DCDC1: variants seen among roughly 807,000 people sequenced by gnomAD.
The protein encoded by DCDC1 is doublecortin domain containing 1.
In DCDC1, 200 loss-of-function variants were observed where a neutral mutation model predicts 178.3. That is an observed-to-expected ratio of 1.12 (90% CI 1.00 to 1.26). The LOEUF (loss-of-function observed/expected upper bound fraction) is 1.26. DCDC1 is among the 50% of genes most tolerant of loss of function. DCDC1 has a pLI of 0.00. For missense variants in DCDC1, 1,983 were observed against 1,749.2 expected, an observed-to-expected ratio of 1.13 and a Z score of -2.38; for synonymous variants, 690 against 604.8, an observed-to-expected ratio of 1.14 and a Z score of -2.07.
At chr11:31,285,142 C>T (rs1946726072) in intron 7 of DCDC1, among the ~76,000 whole-genome samples, 1 of 151,640 alleles carries the variant, frequency 6.6e-6, no homozygotes, top group South Asian at 2.1e-4. Context: ...TAAAATAACT[C>T]AATTATATAT....
Position 31,103,661 on chromosome 11 carries a change from C to A in DCDC1, c.1860G>T (p.Leu620=). ...YKTFLDPNAV[L]LPGCGNWEVC... ...TAATTTACTTGCCACATCCAGGTAGCAGAACAGCATTAGGATCCAAAAAGG... is the reference window on the plus strand; with the variant it reads ...TAATTTACTTGCCACATCCAGGTAGAAGAACAGCATTAGGATCCAAAAAGG... Residue 620 remains leucine (L), a synonymous_variant, in exon 14 of 39, where the codon CTG becomes CTT. Coordinates refer to ENST00000684477, the MANE Select transcript of DCDC1 (RefSeq NM_001387274.1). The A allele has an allele frequency of 2.6e-6, 2 of 762,460 alleles. No homozygotes were observed. The highest frequency in any genetic ancestry group is 4.8e-6 in the Non-Finnish European group (2 of 416,750). 47.2% of individuals were successfully genotyped at this position (762,460 alleles called of 1,614,324 possible). A position where few individuals can be genotyped will look rare whatever the true frequency, so the allele number is the denominator to read the frequency against.
intron 7 of DCDC1, among the ~76,000 whole-genome samples, chr11:31,273,945 G>A (rs954768585): frequency 1.3e-5 from 2 of 151,952 alleles, no homozygotes; most frequent in South Asian, 2.1e-4. Flanking sequence ...CCATCAGATC[G>A]CATGAGACTA....
chr11:31,081,486 C>T (rs1349279916), intron 17 of DCDC1, among the ~76,000 whole-genome samples: 3 of 151,842 alleles, frequency 2.0e-5, no homozygotes, highest in East Asian at 2.0e-4. Context: ...GGCACATGCC[C>T]GCAATCCCAG....
chr11:31,184,215 T>TG (rs1191938514), intron 9 of DCDC1, among the ~76,000 whole-genome samples: 1 of 152,174 alleles, frequency 6.6e-6, no homozygotes, highest in Non-Finnish European at 1.5e-5. Flanking sequence ...TAAATGGTAT[T>TG]GGGAAAACTG....
chr11:31,143,685 G>A (rs1195807627), intron 9 of DCDC1, among the ~76,000 whole-genome samples: 1 of 152,142 alleles, frequency 6.6e-6, no homozygotes, highest in Admixed American at 6.5e-5. Flanking sequence ...CCTTAACTAA[G>A]TCCTGACCTA....
chr11:31,321,856 T>A (rs1284277440), intron 3 of DCDC1, among the ~76,000 whole-genome samples: 2 of 152,212 alleles, frequency 1.3e-5, no homozygotes, highest in Non-Finnish European at 1.5e-5. Flanking sequence ...ATTAAATAGT[T>A]ACACATATAA....
At chr11:31,024,524 A>C (rs1953095937) in intron 20 of DCDC1, among the ~76,000 whole-genome samples, 1 of 151,950 alleles carries the variant, frequency 6.6e-6, no homozygotes, top group Non-Finnish European at 1.5e-5. Context: ...TGTTTTTCCC[A>C]TTTATTCTTT....
chr11:30,982,689 C>T (rs1029970560), intron 20 of DCDC1, among the ~76,000 whole-genome samples: 1 of 151,712 alleles, frequency 6.6e-6, no homozygotes. Context: ...TAAAGAGTGC[C>T]CACAGATTTG....
At chr11:30,903,725 T>C (rs1241298251) in intron 31 of DCDC1, 42 bp from the exon 32 acceptor site, 2 of 1,486,782 alleles carry the variant, frequency 1.3e-6, no homozygotes, top group South Asian at 1.4e-5. Flanking sequence ...GCAAAGGTGA[T>C]AGCATTGGGA....
chr11:30,968,109 T>G (rs912694736), intron 20 of DCDC1, among the ~76,000 whole-genome samples: 1 of 152,126 alleles, frequency 6.6e-6, no homozygotes, highest in African/African-American at 2.4e-5. Flanking sequence ...GTTTCTATCC[T>G]TGAGGAGTCC....
chr11:30,961,623 A>G (rs1314281435), intron 20 of DCDC1, among the ~76,000 whole-genome samples: 1 of 152,088 alleles, frequency 6.6e-6, no homozygotes, highest in African/African-American at 2.4e-5. Flanking sequence ...AATGAATTTA[A>G]AATGGTATGT....
chr11:31,286,231 C>T (rs545063625), intron 7 of DCDC1, among the ~76,000 whole-genome samples: 8 of 152,066 alleles, frequency 5.3e-5, no homozygotes, highest in African/African-American at 1.4e-4. Flanking sequence ...AACAGAAAGG[C>T]CAGACGATTC....
At chr11:30,868,379 T>C (rs1590161916) in intron 38 of DCDC1, among the ~76,000 whole-genome samples, 2 of 150,820 alleles carry the variant, frequency 1.3e-5, no homozygotes, top group East Asian at 3.9e-4. Context: ...GCCTCTCAAG[T>C]AGCTGGGATT....
intron 20 of DCDC1, among the ~76,000 whole-genome samples, chr11:30,981,191 G>A (rs1486985295): frequency 3.3e-5 from 5 of 152,170 alleles, no homozygotes; most frequent in Admixed American, 1.3e-4. Context: ...CTCCAAAAGC[G>A]GAGAGGGTGG....
chr11:31,116,708 A>G (rs1349557060), intron 11 of DCDC1, among the ~76,000 whole-genome samples: 1 of 152,114 alleles, frequency 6.6e-6, no homozygotes, highest in East Asian at 1.9e-4. Context: ...GCTATATACT[A>G]TATAAGAAAA....
rs567978904 is a variant in DCDC1, at chr11:30,931,739, G to A, written c.2897+32C>T. 17 of 1,569,148 alleles carry A rather than the reference G, an allele frequency of 1.1e-5. No homozygotes were observed. In the African/African-American group the frequency reaches 1.6e-4, roughly 15 times the overall value. Reference sequence around the variant, plus strand: ...ACAAAATCTGTACAAACTAGAAAGTGTATTTAATAAGTATGAACAAGTTGT... The same window carrying A: ...ACAAAATCTGTACAAACTAGAAAGTATATTTAATAAGTATGAACAAGTTGT... On this transcript the variant is annotated intron_variant, in intron 22 of 38. Transcript: ENST00000684477.
chr11:31,366,273 T>C (rs1951952845), intron 1 of DCDC1, among the ~76,000 whole-genome samples: 1 of 152,156 alleles, frequency 6.6e-6, no homozygotes, highest in Admixed American at 6.6e-5. Flanking sequence ...TCACATAAAA[T>C]GGATAAATTG....
At chr11:31,196,547 G>A (rs1201488540) in intron 9 of DCDC1, among the ~76,000 whole-genome samples, 1 of 152,048 alleles carries the variant, frequency 6.6e-6, no homozygotes, top group Non-Finnish European at 1.5e-5. Context: ...TGAACTCAGG[G>A]AAACCGTTTA....
At chr11:31,085,179 A>T (rs546839344) in intron 17 of DCDC1, among the ~76,000 whole-genome samples, 80 of 137,588 alleles carry the variant, frequency 5.8e-4, no homozygotes, top group South Asian at 3.5e-3. Flanking sequence ...TTTTTTTTTA[A>T]AAAAAACTGC....
Sources: gnomAD v4.1 joint callset for allele counts (sites outside exome capture counted in the v4.1 genomes callset) on GRCh38, gnomAD v4.1.1 for gene constraint, MANE v1.5 for transcripts, NCBI Gene and HGNC (gene_info 2026-07-23, HGNC 2026-07-21) for gene names.